The following BMP6 variants were observed in gnomAD, a reference collection of about 807,000 sequenced individuals.
The protein encoded by BMP6 is bone morphogenetic protein 6.
In BMP6, 17 loss-of-function variants were observed where a neutral mutation model predicts 54.1. The observed-to-expected ratio is 0.31, with a 90% confidence interval of 0.22 to 0.47. The LOEUF (loss-of-function observed/expected upper bound fraction) is 0.47. BMP6 is among the 20% of genes least tolerant of loss of function. The pLI, the probability that BMP6 is intolerant of heterozygous loss-of-function variation, is 1.00. For synonymous variants in BMP6, 328 were observed against 291.2 expected, an observed-to-expected ratio of 1.13 and a Z score of -1.28; for missense variants, 720 against 690.4, an observed-to-expected ratio of 1.04 and a Z score of -0.48.
chr6:7,838,752 C>T, intron 1 of BMP6, among the ~76,000 whole-genome samples: 1 of 152,078 alleles, frequency 6.6e-6, no homozygotes, highest in Non-Finnish European at 1.5e-5. Context: ...ACCATCCTGG[C>T]TAATACGGTG....
chr6:7,816,062 T>G (rs180979629), intron 1 of BMP6, among the ~76,000 whole-genome samples: 1 of 152,218 alleles, frequency 6.6e-6, no homozygotes, highest in Non-Finnish European at 1.5e-5. Context: ...TGTAATTTTA[T>G]TTTAGAATAT....
At chr6:7,872,317 AG>A (rs1437745454) in intron 4 of BMP6, among the ~76,000 whole-genome samples, 1 of 151,372 alleles carries the variant, frequency 6.6e-6, no homozygotes, top group Admixed American at 6.6e-5. Flanking sequence ...AAAGTGTGTC[AG>A]TATAATTCCA....
intron 4 of BMP6, among the ~76,000 whole-genome samples, chr6:7,875,009 G>T (rs1759586650): frequency 6.6e-6 from 1 of 152,174 alleles, no homozygotes; most frequent in African/African-American, 2.4e-5. Context: ...ATGAGCTGCT[G>T]TCTGCAAGCT....
chr6:7,728,013 A>T (rs1357058130), intron 1 of BMP6, among the ~76,000 whole-genome samples: 1 of 152,004 alleles, frequency 6.6e-6, no homozygotes, highest in Non-Finnish European at 1.5e-5. Flanking sequence ...TCCTGGGAAG[A>T]GGGCTCTTCA....
At chr6:7,855,957 A>T (rs1219136057) in intron 2 of BMP6, among the ~76,000 whole-genome samples, 2 of 151,974 alleles carry the variant, frequency 1.3e-5, no homozygotes. Flanking sequence ...CATAGTAAAC[A>T]CCATGTTAAG....
At chr6:7,805,939 A>T (rs1482679086) in intron 1 of BMP6, among the ~76,000 whole-genome samples, 5 of 152,256 alleles carry the variant, frequency 3.3e-5, no homozygotes, top group African/African-American at 1.2e-4. Flanking sequence ...GGAATGACAC[A>T]TGACTGCAGC....
At chr6:7,806,085 A>G (rs1455595554) in intron 1 of BMP6, among the ~76,000 whole-genome samples, 1 of 152,218 alleles carries the variant, frequency 6.6e-6, no homozygotes, top group Non-Finnish European at 1.5e-5. Context: ...ATTAACATCG[A>G]ACATATTTTC....
chr6:7,772,528 G>A (rs1757805212), intron 1 of BMP6, among the ~76,000 whole-genome samples: 1 of 152,188 alleles, frequency 6.6e-6, no homozygotes, highest in Non-Finnish European at 1.5e-5. Context: ...ATGCCAGTTT[G>A]TTGATTTACA....
intron 1 of BMP6, among the ~76,000 whole-genome samples, chr6:7,840,159 G>T (rs1291940750): frequency 6.6e-6 from 1 of 152,188 alleles, no homozygotes; most frequent in Non-Finnish European, 1.5e-5. Context: ...TTTTCCATGT[G>T]AGCCTGCCTG....
In BMP6 at chr6:7,771,096, TTCTG is replaced by T. The variant is rs1166491763; in HGVS notation, c.664+43478_664+43481del. Among the ~76,000 whole-genome samples the T allele has an allele frequency of 6.6e-5, 10 of 152,376 alleles. 1 individual carries two copies. In the Middle Eastern group the frequency reaches 0.014, roughly 207 times the overall value. On this transcript the variant is annotated intron_variant, in intron 1 of 6. Transcript: ENST00000283147. ...AACAGAAATGAGACTGAGATCCTCT[TTCTG>T]CTCTGATTTTTATTTTTTACCTCCT... is the stretch of plus-strand genomic sequence containing the variant.
At chr6:7,732,454 T>G in intron 1 of BMP6, among the ~76,000 whole-genome samples, 1 of 152,264 alleles carries the variant, frequency 6.6e-6, no homozygotes, top group Admixed American at 6.5e-5. Context: ...TTTTTAAATG[T>G]GCTGAATCAT....
intron 1 of BMP6, among the ~76,000 whole-genome samples, chr6:7,771,283 C>G (rs1465258180): frequency 1.3e-5 from 2 of 152,184 alleles, no homozygotes; most frequent in Non-Finnish European, 2.9e-5. Flanking sequence ...CTTAAGCTGA[C>G]TGCATTGAAT....
At chr6:7,746,375 T>G (rs1481643767) in intron 1 of BMP6, among the ~76,000 whole-genome samples, 1 of 152,242 alleles carries the variant, frequency 6.6e-6, no homozygotes, top group Non-Finnish European at 1.5e-5. Flanking sequence ...GAGATATTCC[T>G]GGCTGCAGTG....
intron 2 of BMP6, among the ~76,000 whole-genome samples, chr6:7,856,223 T>C (rs1318370733): frequency 1.3e-5 from 2 of 151,998 alleles, no homozygotes; most frequent in Non-Finnish European, 2.9e-5. Context: ...AGTTTACTCT[T>C]TTTTGTAGTA....
intron 1 of BMP6, among the ~76,000 whole-genome samples, chr6:7,783,006 C>G (rs550713170): frequency 2.4e-4 from 36 of 152,054 alleles, no homozygotes; most frequent in African/African-American, 8.4e-4. Flanking sequence ...GTAGAGAGAT[C>G]TAGGCAAGAG....
At chr6:7,753,857 G>A (rs1428925055) in intron 1 of BMP6, among the ~76,000 whole-genome samples, 4 of 152,096 alleles carry the variant, frequency 2.6e-5, no homozygotes, top group African/African-American at 7.2e-5. Flanking sequence ...TTGACCTGTG[G>A]ATTATTTAGA....
In BMP6 at chr6:7,856,057, A is replaced by G. The variant is rs183154210; in HGVS notation, c.858-5394A>G. Among the ~76,000 whole-genome samples, 9 of 144,918 alleles carry G rather than the reference A, an allele frequency of 6.2e-5. No individual in the cohort carries two copies. The East Asian group carries it at 1.8e-3, about 29-fold the overall frequency. Reference sequence around the variant, plus strand: ...CCTACAGAATCAAGGTGCATTTGATATTTGAAACGTCTCTTCATACCATGC... The same window carrying G: ...CCTACAGAATCAAGGTGCATTTGATGTTTGAAACGTCTCTTCATACCATGC... On this transcript the variant is annotated intron_variant, in intron 2 of 6. Coordinates refer to ENST00000283147, the MANE Select transcript of BMP6 (RefSeq NM_001718.6).
intron 1 of BMP6, among the ~76,000 whole-genome samples, chr6:7,735,588 G>C (rs187647389): frequency 2.0e-5 from 3 of 151,954 alleles, no homozygotes; most frequent in South Asian, 2.1e-4. Flanking sequence ...AGAAAGAGAG[G>C]GTTTTTTTTT....
At position 7,726,599 on chromosome 6, in the gene BMP6, A is replaced by C. The variant is rs1210719052; in HGVS notation, c.-357A>C. Among the ~76,000 whole-genome samples, 2 of 152,112 alleles carry C rather than the reference A, an allele frequency of 1.3e-5. No homozygotes were observed. The highest frequency in any genetic ancestry group is 2.9e-5 in the Non-Finnish European group (2 of 68,000). Reference sequence around the variant, plus strand: ...CGCACGTGTGCGGCCAGCGAGGCCCAGAGTGACCGCGCCGCGACTCGCAGG... The same window carrying C: ...CGCACGTGTGCGGCCAGCGAGGCCCCGAGTGACCGCGCCGCGACTCGCAGG... On this transcript the variant is annotated 5_prime_UTR_variant, in exon 1 of 7. Coordinates refer to ENST00000283147, the MANE Select transcript of BMP6 (RefSeq NM_001718.6).
Sources: allele counts gnomAD v4.1 joint callset (sites outside exome capture counted in the v4.1 genomes callset), GRCh38; gene constraint gnomAD v4.1.1; transcripts MANE v1.5; gene names NCBI Gene and HGNC (gene_info 2026-07-23, HGNC 2026-07-21).